AFAP1L1: variants seen among roughly 807,000 people sequenced by gnomAD.
AFAP1L1 encodes the protein actin filament associated protein 1 like 1, also known as actin filament-associated protein 1-like 1.
AFAP1L1 carries 77 observed loss-of-function variants against 99.8 expected under a neutral mutation model. The observed-to-expected ratio is 0.77, with a 90% CI of 0.64 to 0.93. The LOEUF is 0.93. Among genes scored for constraint, AFAP1L1 ranks in the 40% least tolerant of loss-of-function variants. AFAP1L1 has a pLI of 0.00. For synonymous variants in AFAP1L1, 373 were observed against 395.3 expected (o/e 0.94, Z 0.67); for missense variants, 893 against 996.8 (o/e 0.90, Z 1.40).
intron 5 of AFAP1L1, among the ~76,000 whole-genome samples, chr5:149,304,968 G>GA (rs1756361241): frequency 6.6e-6 from 1 of 151,794 alleles, no homozygotes; most frequent in Admixed American, 6.6e-5. Context: ...CCTGGAGGGG[G>GA]ATGTGCACCA....
intron 12 of AFAP1L1, among the ~76,000 whole-genome samples, chr5:149,318,870 C>T (rs1346889398): frequency 6.6e-6 from 1 of 152,210 alleles, no homozygotes; most frequent in Non-Finnish European, 1.5e-5. Flanking sequence ...TAGTCTTGTC[C>T]TAGAATCTGA....
At chr5:149,294,378 A>G (rs546080861) in intron 1 of AFAP1L1, among the ~76,000 whole-genome samples, 16 of 152,322 alleles carry the variant, frequency 1.1e-4, no homozygotes, top group African/African-American at 3.8e-4. Flanking sequence ...TTTAAATTCT[A>G]TAATGTTTTA....
Position 149,316,126 on chromosome 5 carries a change from C to G in AFAP1L1, c.1115-25C>G, listed in dbSNP as rs1756787263. On this transcript the variant is annotated intron_variant, in intron 10 of 18. Transcript: ENST00000296721. The stretch of plus-strand genomic sequence containing the variant: ...TGGGTGGGACTCAGGGCTCCCTCCA[C>G]TCCCCTGACCCATTTCCCCAACAGG... 2.5e-6 allele frequency: 4 copies of G among 1,605,038 alleles called. No individual in the cohort carries two copies. The East Asian group carries it at 9.0e-5, about 36-fold the overall frequency.
intron 14 of AFAP1L1, among the ~76,000 whole-genome samples, chr5:149,321,408 A>G (rs117159494): frequency 1.3e-5 from 2 of 152,302 alleles, no homozygotes; most frequent in East Asian, 3.9e-4. Flanking sequence ...TAACTGCAAG[A>G]ATTAAATAAT....
chr5:149,300,993 C>T (rs145949988), intron 3 of AFAP1L1, 140 bp from the exon 4 acceptor site: 92 of 627,824 alleles, frequency 1.5e-4, no homozygotes, highest in Non-Finnish European at 1.6e-4. Context: ...AGTCAAAAGT[C>T]ATTTGTTTAG....
Position 149,301,186 on chromosome 5 carries a change from A to G in AFAP1L1, c.283A>G (p.Lys95Glu). The change falls in exon 4 of 19, where the codon AAA becomes GAA. Residue 95 changes from lysine (K) to glutamate (E), a missense_variant. Lys to Glu is a moderately conservative substitution (Grantham distance 56, BLOSUM62 1). Transcript: ENST00000296721. ...GCCAGAGGATGATGGGGAGCCCAGC[A>G]AAGGAGCCAGCCCTGAGCTAGCCAA... ...DMPEDDGEPSKGASPELAKSP... is the reference protein window; with the variant it reads ...DMPEDDGEPSEGASPELAKSP... The G allele has an allele frequency of 1.2e-6, 2 of 1,614,080 alleles. No homozygotes were observed. The highest frequency in any genetic ancestry group is 1.7e-6 in the Non-Finnish European group (2 of 1,179,958).
chr5:149,284,256 G>A (rs113348864), intron 1 of AFAP1L1, among the ~76,000 whole-genome samples: 7,289 of 152,274 alleles, frequency 0.048, 234 homozygotes, highest in Middle Eastern at 0.095. Context: ...CAGGTTGTGC[G>A]GCTTGCAATC....
chr5:149,323,229 G>T (rs958845490), intron 15 of AFAP1L1, among the ~76,000 whole-genome samples: 1 of 152,210 alleles, frequency 6.6e-6, no homozygotes, highest in Non-Finnish European at 1.5e-5. Context: ...CTGAACTGGG[G>T]TAGTAAGTGG....
chr5:149,329,302 A>G (rs570899228), intron 15 of AFAP1L1, among the ~76,000 whole-genome samples: 1 of 152,300 alleles, frequency 6.6e-6, no homozygotes, highest in Non-Finnish European at 1.5e-5. Context: ...TAAGGAAACT[A>G]AGGTCAAGGG....
intron 15 of AFAP1L1, among the ~76,000 whole-genome samples, chr5:149,323,995 A>G (rs1310588046): frequency 6.6e-6 from 1 of 152,238 alleles, no homozygotes; most frequent in African/African-American, 2.4e-5. Context: ...TAAAAGAAAA[A>G]TAAAAGTGGA....
chr5:149,319,833 A>C, intron 13 of AFAP1L1, 106 bp downstream of exon 13: 1 of 1,467,440 alleles, frequency 6.8e-7, no homozygotes, highest in Middle Eastern at 2.4e-4. Context: ...GGAGGAGCTA[A>C]GGAAAGCTCC....
At position 149,290,530 on chromosome 5, in the gene AFAP1L1, C is replaced by A. The variant is rs1287934737; in HGVS notation, c.17-8979C>A. Among the ~76,000 whole-genome samples the A allele has an allele frequency of 1.2e-4, 4 of 32,330 alleles. No individual in the cohort carries two copies. The Admixed American group carries it at 1.4e-3, about 11-fold the overall frequency. The allele number at this position is 32,330 out of a possible 152,430, so 21.2% of individuals were successfully genotyped here. On this transcript the variant is annotated intron_variant, in intron 1 of 18. Coordinates refer to ENST00000296721, the MANE Select transcript of AFAP1L1 (RefSeq NM_152406.4). The stretch of plus-strand genomic sequence containing the variant: ...TCAGGTGGTTTAGGTTGCTCAATAT[C>A]TGTTATTATTTCTGAATGTATATGT...
At chr5:149,322,785 C>T (rs1452468142) in intron 15 of AFAP1L1, 68 bp downstream of exon 15, 1 of 1,307,524 alleles carries the variant, frequency 7.6e-7, no homozygotes, top group Non-Finnish European at 1.1e-6. Context: ...TAGGAGGGAT[C>T]TCAAAATCAG....
rs1756925875 is a variant in AFAP1L1 at position 149,320,692 on chromosome 5, G to A, written c.1698+229G>A. On this transcript the variant is annotated intron_variant, in intron 14 of 18. Transcript: ENST00000296721. This position sits in a 1 kb window ranked among gnomAD's most constrained non-coding sequence, Gnocchi z 4.0. ...CCCAGGTTGGGAGGAAGAAAGGGCT[G>A]TGCAGACTCCCAAACACTACCAAAA... 6.6e-6 allele frequency among the ~76,000 whole-genome samples: 1 copy of A among 152,242 alleles called. No homozygotes were observed. Among genetic ancestry groups the A allele is most frequent in the African/African-American group, 2.4e-5 (1 of 41,466 alleles).
chr5:149,332,288 T>C lies in AFAP1L1; in HGVS notation c.1976-407T>C, dbSNP rs192715651. 1.1e-3 allele frequency among the ~76,000 whole-genome samples: 161 copies of C among 152,208 alleles called. 1 individual carries two copies. The highest frequency in any genetic ancestry group is 3.8e-3 in the African/African-American group (159 of 41,530). On this transcript the variant is annotated intron_variant, in intron 16 of 18. Coordinates refer to ENST00000296721, the MANE Select transcript of AFAP1L1 (RefSeq NM_152406.4). ...GGCGTGTGCCTGTAGTCCCAGCTAC[T>C]TGGGAGGCTGAGGCAGGAGGATCAC...
At chr5:149,281,941 C>T (rs868833706) in intron 1 of AFAP1L1, among the ~76,000 whole-genome samples, 1 of 152,172 alleles carries the variant, frequency 6.6e-6, no homozygotes, top group African/African-American at 2.4e-5. Flanking sequence ...GGTTTTATTT[C>T]TTATCCTTCA....
At chr5:149,337,869 G>A (rs2127606323) in intron 18 of AFAP1L1, among the ~76,000 whole-genome samples, 1 of 152,204 alleles carries the variant, frequency 6.6e-6, no homozygotes, top group Middle Eastern at 3.4e-3. Flanking sequence ...CCAAATGATG[G>A]GAAAGGAACA....
At chr5:149,299,917 A>G (rs1031957381) in intron 2 of AFAP1L1, among the ~76,000 whole-genome samples, 5 of 151,236 alleles carry the variant, frequency 3.3e-5, no homozygotes, top group African/African-American at 1.2e-4. Context: ...GAACACACAC[A>G]CTCACATAGA....
chr5:149,273,399 G>C (rs1755201267), intron 1 of AFAP1L1, among the ~76,000 whole-genome samples: 1 of 151,928 alleles, frequency 6.6e-6, no homozygotes, highest in Non-Finnish European at 1.5e-5. Flanking sequence ...GAGCAGGTGT[G>C]GGGTAACCTC....
Sources: gnomAD v4.1 joint callset for allele counts (sites outside exome capture counted in the v4.1 genomes callset) on GRCh38, gnomAD v4.1.1 for gene constraint, Gnocchi (gnomAD v3.1) non-coding constraint, MANE v1.5 for transcripts, NCBI Gene and HGNC (gene_info 2026-07-23, HGNC 2026-07-21) for gene names.